The following DYNC2H1 variants were observed in gnomAD, a reference collection of about 807,000 sequenced individuals.
The protein encoded by DYNC2H1 is cytoplasmic dynein 2 heavy chain 1.
In DYNC2H1, 410 loss-of-function variants were observed where a neutral mutation model predicts 570.0. That is an observed-to-expected ratio of 0.72 (90% CI 0.66 to 0.78). The LOEUF is 0.78. Ranked by LOEUF, DYNC2H1 falls within the 30% of genes least tolerant of loss-of-function variation. The pLI, the probability that DYNC2H1 is intolerant of heterozygous loss-of-function variation, is 0.00. For synonymous variants in DYNC2H1, 1,688 were observed against 1,677.6 expected (o/e 1.01, Z -0.15); for missense variants, 4,865 against 5,046.4 (o/e 0.96, Z 1.09).
chr11:103,320,511 A>G (rs1938122901), intron 80 of DYNC2H1, among the ~76,000 whole-genome samples: 1 of 152,238 alleles, frequency 6.6e-6, no homozygotes, highest in Non-Finnish European at 1.5e-5. Context: ...CATGACGTTT[A>G]GAAGAGTGTA....
intron 66 of DYNC2H1, among the ~76,000 whole-genome samples, chr11:103,255,157 C>A (rs537146699): frequency 6.6e-6 from 1 of 152,194 alleles, no homozygotes; most frequent in Admixed American, 6.5e-5. Flanking sequence ...AAATATTACA[C>A]ATTGATATGT....
At position 103,109,478 on chromosome 11, in the gene DYNC2H1, C is replaced by G. The variant is rs991681136; in HGVS notation, c.-97C>G. 1.6e-6 allele frequency: 2 copies of G among 1,234,868 alleles called. No homozygotes were observed. The highest frequency in any genetic ancestry group is 5.2e-5 in the East Asian group (2 of 38,696). 76.5% of individuals were successfully genotyped at this position (1,234,868 alleles called of 1,614,324 possible). ...GCTCTGCGGTCCCGCGGTCGGGCTACGGGTTTGAGCAAAGCTCCTCTCTTC... is the reference window on the plus strand; with the variant it reads ...GCTCTGCGGTCCCGCGGTCGGGCTAGGGGTTTGAGCAAAGCTCCTCTCTTC... On this transcript the variant is annotated 5_prime_UTR_variant, in exon 1 of 89. Coordinates refer to ENST00000375735, the MANE Select transcript of DYNC2H1 (RefSeq NM_001377.3).
At chr11:103,388,067 G>C (rs1380565302) in intron 83 of DYNC2H1, among the ~76,000 whole-genome samples, 1 of 152,096 alleles carries the variant, frequency 6.6e-6, no homozygotes, top group Non-Finnish European at 1.5e-5. Flanking sequence ...GATGGGGATG[G>C]CATTGAATCT....
chr11:103,289,799 A>T lies in DYNC2H1; in HGVS notation c.11095+2194A>T, dbSNP rs570042637. Among the ~76,000 whole-genome samples the T allele has an allele frequency of 3.0e-4, 45 of 152,196 alleles. No homozygotes were observed. ...AAAATGATTCTCTTTGTTGGATATA[A>T]CCCATATATAATGTTGAATTAAATT... On this transcript the variant is annotated intron_variant, in intron 75 of 88. Coordinates refer to ENST00000375735, the MANE Select transcript of DYNC2H1 (RefSeq NM_001377.3). This position sits in a 1 kb window ranked among gnomAD's most constrained non-coding sequence, Gnocchi z 4.2.
chr11:103,181,644 T>A lies in DYNC2H1; in HGVS notation c.6348-113T>A. ...AAAGTAACTAAAGCCACCTTTTGTATGCTAGCAGACAAAATATGTGCGTAG... is the reference window on the plus strand; with the variant it reads ...AAAGTAACTAAAGCCACCTTTTGTAAGCTAGCAGACAAAATATGTGCGTAG... On this transcript the variant is annotated intron_variant, in intron 39 of 88. Transcript: ENST00000375735. This position sits in a 1 kb window ranked among gnomAD's most constrained non-coding sequence, Gnocchi z 5.0. 8.6e-7 allele frequency: 1 copy of A among 1,161,404 alleles called. No homozygotes were observed. Among genetic ancestry groups the A allele is most frequent in the East Asian group, 2.6e-5 (1 of 38,014 alleles). 71.9% of individuals were successfully genotyped at this position (1,161,404 alleles called of 1,614,324 possible).
At chr11:103,258,916 A>T (rs1865164175) in intron 69 of DYNC2H1, among the ~76,000 whole-genome samples, 1 of 152,196 alleles carries the variant, frequency 6.6e-6, no homozygotes, top group Non-Finnish European at 1.5e-5. Context: ...ATCTTTGTTA[A>T]CATATAGTGA....
At chr11:103,404,595 A>G (rs748107568) in intron 84 of DYNC2H1, 5 of 149,560 alleles carry the variant, frequency 3.3e-5, no homozygotes, top group Non-Finnish European at 5.9e-5. Context: ...ATTAACACCT[A>G]TAAATATAAT....
Position 103,312,047 on chromosome 11 carries a change from T to C in DYNC2H1, c.11649+14T>C. On this transcript the variant is annotated intron_variant, in intron 79 of 88. Coordinates refer to ENST00000375735, the MANE Select transcript of DYNC2H1 (RefSeq NM_001377.3). ...TATATTCCTCAGGTAAGTAAGAACA[T>C]GTCTTGAATACATTCTAAGCTTTAT... 1.3e-6 allele frequency: 2 copies of C among 1,598,366 alleles called. No individual in the cohort carries two copies. Among genetic ancestry groups the C allele is most frequent in the Non-Finnish European group, 1.7e-6 (2 of 1,175,548 alleles).
chr11:103,168,729 T>C (rs1171810001), intron 31 of DYNC2H1, 26 bp from the exon 32 acceptor site: 2 of 1,602,646 alleles, frequency 1.2e-6, no homozygotes, highest in Admixed American at 1.7e-5. Flanking sequence ...TTTTCTCCAA[T>C]TGTCAATATT....
chr11:103,141,981 C>T (rs556133406), intron 17 of DYNC2H1, among the ~76,000 whole-genome samples: 73 of 152,302 alleles, frequency 4.8e-4, no homozygotes, highest in Admixed American at 6.5e-4. Context: ...TAGCAGTCAG[C>T]GAGACTCCAT....
At chr11:103,227,029 G>T (rs566531924) in intron 59 of DYNC2H1, among the ~76,000 whole-genome samples, 1 of 152,220 alleles carries the variant, frequency 6.6e-6, no homozygotes, top group East Asian at 1.9e-4. Context: ...GGTGTCAGTT[G>T]TAACATCTCC....
At chr11:103,282,487 A>G (rs1047874602) in intron 72 of DYNC2H1, among the ~76,000 whole-genome samples, 4 of 151,980 alleles carry the variant, frequency 2.6e-5, no homozygotes, top group African/African-American at 9.7e-5. Flanking sequence ...TATGTATTTT[A>G]TTCCAAGGAT....
intron 84 of DYNC2H1, among the ~76,000 whole-genome samples, chr11:103,430,378 C>T (rs1255354623): frequency 6.6e-6 from 1 of 152,044 alleles, no homozygotes; most frequent in Non-Finnish European, 1.5e-5. Flanking sequence ...TATAACAGTG[C>T]CTGTACATAT....
intron 75 of DYNC2H1, among the ~76,000 whole-genome samples, chr11:103,300,553 C>T (rs1177235072): frequency 6.6e-6 from 1 of 151,938 alleles, no homozygotes; most frequent in Non-Finnish European, 1.5e-5. Flanking sequence ...GGATGGCTAA[C>T]ATATAATTCC....
In DYNC2H1 at chr11:103,168,823, A is replaced by G; in HGVS notation, c.4831A>G (p.Lys1611Glu). The G allele has an allele frequency of 6.2e-7, 1 of 1,613,356 alleles. No homozygotes were observed. The highest frequency in any genetic ancestry group is 8.5e-7 in the Non-Finnish European group (1 of 1,179,558). The stretch of plus-strand genomic sequence containing the variant: ...CATTATCCATAATATTGATGTGGTA[A>G]AGCAGTTAAACCAAATTCAGGTTCA... ...LDIIHNIDVVKQLNQIQVHTT... is the reference protein window; with the variant it reads ...LDIIHNIDVVEQLNQIQVHTT... The change falls in exon 32 of 89, where the codon AAG (lysine) becomes GAG (glutamate). Residue 1611 changes from lysine (K) to glutamate (E), a missense_variant. Lys to Glu is a moderately conservative substitution (Grantham distance 56). This residue lies in a region of DYNC2H1 where 1,936 missense variants were observed against 1,962.1 expected (regional missense o/e 0.99). Transcript: ENST00000375735.
chr11:103,366,190 T>C (rs1202305922), intron 83 of DYNC2H1, among the ~76,000 whole-genome samples: 5 of 152,204 alleles, frequency 3.3e-5, no homozygotes, highest in African/African-American at 1.2e-4. Flanking sequence ...GGATTGAATG[T>C]AAGAGTCACT....
At chr11:103,114,367 A>T in intron 3 of DYNC2H1, 129 bp downstream of exon 3, 4 of 1,081,258 alleles carry the variant, frequency 3.7e-6, no homozygotes, top group Non-Finnish European at 5.1e-6. Flanking sequence ...GGTTTTAAAA[A>T]ATGAGTAGAT....
At chr11:103,246,649 G>A (rs7103859) in intron 65 of DYNC2H1, among the ~76,000 whole-genome samples, 26,789 of 151,896 alleles carry the variant, frequency 0.18, 3,012 homozygotes, top group African/African-American at 0.32. Context: ...GGATGTATTC[G>A]TGTCACACTA....
At chr11:103,387,529 G>T (rs1941940840) in intron 83 of DYNC2H1, among the ~76,000 whole-genome samples, 1 of 152,040 alleles carries the variant, frequency 6.6e-6, no homozygotes, top group African/African-American at 2.4e-5. Flanking sequence ...GTCAATTTTG[G>T]CTTTTGTTGC....
Sources: allele counts gnomAD v4.1 joint callset (sites outside exome capture counted in the v4.1 genomes callset), GRCh38; gene constraint gnomAD v4.1.1; regional missense constraint gnomAD v4.1.1; non-coding constraint Gnocchi (gnomAD v3.1); transcripts MANE v1.5; gene names NCBI Gene and HGNC (gene_info 2026-07-23, HGNC 2026-07-21).